Variants in JMJD1C observed in about 807,000 individuals in gnomAD.
JMJD1C encodes the protein jumonji domain containing 1C, also known as jumonji domain-containing protein 1C.
In JMJD1C, 31 loss-of-function variants were observed where a neutral mutation model predicts 245.3. That is an observed-to-expected ratio of 0.13 (90% CI 0.09 to 0.17). The LOEUF (loss-of-function observed/expected upper bound fraction) is 0.17. JMJD1C is among the 10% of genes least tolerant of loss of function. The pLI is 1.00. For missense variants in JMJD1C, 2,691 were observed against 3,000.2 expected, an observed-to-expected ratio of 0.90 and a Z score of 2.41; for synonymous variants, 1,057 against 1,017.4, an observed-to-expected ratio of 1.04 and a Z score of -0.74.
chr10:63,167,426 A>G lies in JMJD1C; in HGVS notation c.*619T>C, dbSNP rs1841957861. 1.3e-5 allele frequency: 2 copies of G among 152,678 alleles called. No individual in the cohort carries two copies. The highest frequency in any genetic ancestry group is 4.8e-5 in the African/African-American group (2 of 41,476). 9.5% of individuals were successfully genotyped at this position (152,678 alleles called of 1,614,324 possible). On this transcript the variant is annotated 3_prime_UTR_variant, in exon 26 of 26. Transcript: ENST00000399262. ...AGTTCACATAAATTTTACCAAAATGAGACAATTTTAAATAAATTACACCTT... is the reference window on the plus strand; with the variant it reads ...AGTTCACATAAATTTTACCAAAATGGGACAATTTTAAATAAATTACACCTT...
chr10:63,286,143 T>C (rs1857957930), intron 2 of JMJD1C, among the ~76,000 whole-genome samples: 1 of 152,240 alleles, frequency 6.6e-6, no homozygotes, highest in South Asian at 2.1e-4. Flanking sequence ...GCAACTGTTC[T>C]TAACATTTTG....
chr10:63,493,448 A>C (rs1954245726), intron 1 of JMJD1C, among the ~76,000 whole-genome samples: 1 of 151,536 alleles, frequency 6.6e-6, no homozygotes, highest in Non-Finnish European at 1.5e-5. Flanking sequence ...CGCCCTGCTA[A>C]TTTTTGTATT....
chr10:63,238,832 AC>A (rs1188368240), intron 3 of JMJD1C, among the ~76,000 whole-genome samples: 1 of 152,242 alleles, frequency 6.6e-6, no homozygotes, highest in African/African-American at 2.4e-5. Context: ...ATTTCATTCA[AC>A]AAGATTTTGA....
intron 2 of JMJD1C, among the ~76,000 whole-genome samples, chr10:63,272,971 A>G (rs954362887): frequency 1.3e-5 from 2 of 152,240 alleles, no homozygotes; most frequent in African/African-American, 4.8e-5. Flanking sequence ...ATACATTCTT[A>G]GTAACACAAA....
chr10:63,327,672 AT>A (rs200942410), intron 2 of JMJD1C, among the ~76,000 whole-genome samples: 79 of 122,042 alleles, frequency 6.5e-4, no homozygotes, highest in Admixed American at 1.9e-3. Context: ...CACAGAAAAA[AT>A]TTTTTTTTTT....
chr10:63,243,941 A>G (rs1487228980), intron 3 of JMJD1C, among the ~76,000 whole-genome samples: 1 of 152,132 alleles, frequency 6.6e-6, no homozygotes, highest in Non-Finnish European at 1.5e-5. Context: ...TTTCCCACCA[A>G]CTTATGGTTT....
chr10:63,447,814 C>T (rs1324849701), intron 1 of JMJD1C, among the ~76,000 whole-genome samples: 2 of 151,890 alleles, frequency 1.3e-5, no homozygotes, highest in East Asian at 3.9e-4. Flanking sequence ...TGGCACACAC[C>T]TGTACTCCCA....
At chr10:63,190,321 A>G (rs1844632565) in intron 17 of JMJD1C, among the ~76,000 whole-genome samples, 1 of 152,038 alleles carries the variant, frequency 6.6e-6, no homozygotes, top group Non-Finnish European at 1.5e-5. Flanking sequence ...TCTCTGCCTC[A>G]GCCTCCCAAG....
At chr10:63,289,422 AAAATGT>A (rs1206463896) in intron 2 of JMJD1C, among the ~76,000 whole-genome samples, 14 of 152,376 alleles carry the variant, frequency 9.2e-5, no homozygotes, top group Admixed American at 8.5e-4. Flanking sequence ...ATGAAATAAA[AAAATGT>A]AAATTTGTGG....
At chr10:63,443,055 A>G (rs1158834284) in intron 1 of JMJD1C, among the ~76,000 whole-genome samples, 1 of 152,192 alleles carries the variant, frequency 6.6e-6, no homozygotes, top group African/African-American at 2.4e-5. Context: ...TGATCAACTG[A>G]CCAGCAATAA....
At chr10:63,489,221 G>A (rs1442796473) in intron 1 of JMJD1C, among the ~76,000 whole-genome samples, 2 of 152,216 alleles carry the variant, frequency 1.3e-5, no homozygotes, top group African/African-American at 2.4e-5. Context: ...CCAAAATGGC[G>A]ATACCCTGTC....
chr10:63,204,309 T>C, intron 10 of JMJD1C: 1 of 985,380 alleles, frequency 1.0e-6, no homozygotes, highest in Non-Finnish European at 1.2e-6. Flanking sequence ...GAGATTTGAC[T>C]AAACATTACA....
At chr10:63,305,375 A>AC (rs1462448312) in intron 2 of JMJD1C, among the ~76,000 whole-genome samples, 5 of 89,940 alleles carry the variant, frequency 5.6e-5, no homozygotes, top group South Asian at 4.4e-4. Context: ...TCAAAAAAAA[A>AC]ACAAAAAACA....
intron 2 of JMJD1C, among the ~76,000 whole-genome samples, chr10:63,312,954 T>C (rs1362527328): frequency 6.6e-6 from 1 of 152,216 alleles, no homozygotes; most frequent in African/African-American, 2.4e-5. Context: ...CTTAAAACTT[T>C]TTTTTTCCAT....
chr10:63,286,037 AT>A (rs1304189608), intron 2 of JMJD1C, among the ~76,000 whole-genome samples: 1 of 149,370 alleles, frequency 6.7e-6, no homozygotes, highest in Admixed American at 6.7e-5. Flanking sequence ...ATTTACTGAA[AT>A]CAGAAATTCT....
intron 24 of JMJD1C, among the ~76,000 whole-genome samples, chr10:63,175,679 G>C (rs1372941159): frequency 2.0e-5 from 3 of 152,114 alleles, no homozygotes; most frequent in Non-Finnish European, 4.4e-5. Flanking sequence ...TGGTTTCCCT[G>C]GTACACCTTG....
At chr10:63,332,743 TAAA>T (rs1942295321) in intron 2 of JMJD1C, among the ~76,000 whole-genome samples, 1 of 152,226 alleles carries the variant, frequency 6.6e-6, no homozygotes, top group Non-Finnish European at 1.5e-5. Flanking sequence ...TTTTATAGGT[TAAA>T]GAATCACTTT....
intron 1 of JMJD1C, among the ~76,000 whole-genome samples, chr10:63,389,063 C>T (rs1368790758): frequency 1.3e-5 from 2 of 152,108 alleles, no homozygotes; most frequent in African/African-American, 4.8e-5. Flanking sequence ...CTGGCTTACA[C>T]CTGTAATCCC....
intron 1 of JMJD1C, among the ~76,000 whole-genome samples, chr10:63,423,765 G>A (rs1463365296): frequency 6.6e-6 from 1 of 152,204 alleles, no homozygotes; most frequent in African/African-American, 2.4e-5. Flanking sequence ...CATCATCAAT[G>A]TATGAAGGTT....
Sources: allele counts gnomAD v4.1 joint callset (sites outside exome capture counted in the v4.1 genomes callset), GRCh38; gene constraint gnomAD v4.1.1; transcripts MANE v1.5; gene names NCBI Gene and HGNC (gene_info 2026-07-23, HGNC 2026-07-21).